SUGP1: variants seen among roughly 807,000 people sequenced by gnomAD.
SUGP1 encodes SURP and G-patch domain-containing protein 1.
SUGP1 carries 34 observed loss-of-function variants against 76.5 expected under a neutral mutation model. The observed-to-expected ratio is 0.44, with a 90% CI of 0.34 to 0.59. The LOEUF (loss-of-function observed/expected upper bound fraction) is 0.59. SUGP1 is among the 20% of genes least tolerant of loss of function. SUGP1 has a pLI of 0.01. For missense variants in SUGP1, 752 were observed against 851.7 expected (o/e 0.88, Z 1.46); for synonymous variants, 326 against 326.2 (o/e 1.00, Z 0.01).
chr19:19,313,471 G>A (rs928251303), intron 2 of SUGP1, among the ~76,000 whole-genome samples: 4 of 152,160 alleles, frequency 2.6e-5, no homozygotes, highest in African/African-American at 4.8e-5. Flanking sequence ...AATGCTTTGG[G>A]AGGCCAAGGT....
chr19:19,308,703 AAGCTGACCC>A (rs2061333664), intron 3 of SUGP1, among the ~76,000 whole-genome samples: 1 of 152,224 alleles, frequency 6.6e-6, no homozygotes, highest in African/African-American at 2.4e-5. Context: ...TGGTGGGTTC[AAGCTGACCC>A]AGCTTGGGGA....
intron 8 of SUGP1, among the ~76,000 whole-genome samples, chr19:19,293,179 G>A (rs1254974326): frequency 6.6e-6 from 1 of 151,758 alleles, no homozygotes; most frequent in Non-Finnish European, 1.5e-5. Flanking sequence ...CAAAGTGCTG[G>A]GATTACAGGC....
intron 3 of SUGP1, among the ~76,000 whole-genome samples, 199 bp downstream of exon 3, chr19:19,309,898 C>T (rs1049063871): frequency 4.9e-4 from 74 of 152,126 alleles, no homozygotes; most frequent in African/African-American, 1.8e-3. Context: ...GGCCACAGAG[C>T]GAGACTCCGT....
chr19:19,294,038 T>C, intron 8 of SUGP1, among the ~76,000 whole-genome samples: 1 of 151,366 alleles, frequency 6.6e-6, no homozygotes, highest in East Asian at 2.0e-4. Flanking sequence ...AATGCAAAGA[T>C]TAGCCAGGCA....
rs549121267 is a variant in SUGP1 at position 19,276,408 on chromosome 19, T to C, written c.*240A>G. The C allele has an allele frequency of 8.7e-5, 45 of 517,180 alleles. No homozygotes were observed. Among genetic ancestry groups the C allele is most frequent in the Non-Finnish European group, 1.5e-4 (43 of 287,014 alleles). 32.0% of individuals were successfully genotyped at this position (517,180 alleles called of 1,614,324 possible). A position where few individuals can be genotyped will look rare whatever the true frequency, so the allele number is the denominator to read the frequency against. On this transcript the variant is annotated 3_prime_UTR_variant, in exon 14 of 14. Transcript: ENST00000247001. Reference sequence around the variant, plus strand: ...TCCTCCCCTCCAGTGCAACCCAGGCTGAGCGGGGATGGAGACTCCACAGGC... The same window carrying C: ...TCCTCCCCTCCAGTGCAACCCAGGCCGAGCGGGGATGGAGACTCCACAGGC...
intron 11 of SUGP1, 127 bp from the exon 12 acceptor site, chr19:19,278,006 T>A: frequency 1.7e-6 from 2 of 1,157,974 alleles, no homozygotes; most frequent in Non-Finnish European, 2.4e-6. Flanking sequence ...TCTCACCAGA[T>A]CAGACTCCTT....
At position 19,302,382 on chromosome 19, in the gene SUGP1, G is replaced by A. The variant is rs2061279083; in HGVS notation, c.770C>T (p.Pro257Leu). Reference sequence around the variant, plus strand: ...GTTCTTGACCTCTTCGTCCTCTGGGGGTGAAACTTTAAGCAGGCTGTCAGT... The same window carrying A: ...GTTCTTGACCTCTTCGTCCTCTGGGAGTGAAACTTTAAGCAGGCTGTCAGT... ...KSQAASQKVS[P>L]PEDEEVKNLA... Residue 257 changes from proline (P) to leucine (L), a missense_variant, in exon 7 of 14, where the codon CCC becomes CTC. Transcript: ENST00000247001. 2 of 1,614,042 alleles carry A rather than the reference G, an allele frequency of 1.2e-6. No homozygotes were observed. Among genetic ancestry groups the A allele is most frequent in the East Asian group, 4.5e-5 (2 of 44,884 alleles).
At chr19:19,285,817 G>A (rs1366933807) in intron 8 of SUGP1, among the ~76,000 whole-genome samples, 10 of 151,966 alleles carry the variant, frequency 6.6e-5, no homozygotes, top group Non-Finnish European at 1.5e-4. Flanking sequence ...CGCCCACCTC[G>A]GCCTCCCAAA....
chr19:19,312,891 G>A (rs1208585694), intron 2 of SUGP1, among the ~76,000 whole-genome samples: 1 of 151,834 alleles, frequency 6.6e-6, no homozygotes, highest in Non-Finnish European at 1.5e-5. Flanking sequence ...TCAGGAGGCT[G>A]AGGCAGGAGA....
intron 3 of SUGP1, among the ~76,000 whole-genome samples, chr19:19,307,933 G>C (rs2061328638): frequency 1.3e-5 from 2 of 152,174 alleles, no homozygotes; most frequent in Admixed American, 6.5e-5. Context: ...CCAAAGTGCT[G>C]GAATTACAGG....
intron 2 of SUGP1, among the ~76,000 whole-genome samples, chr19:19,311,245 T>C (rs982437711): frequency 6.6e-6 from 1 of 152,002 alleles, no homozygotes; most frequent in Non-Finnish European, 1.5e-5. Context: ...GTATATCAGC[T>C]GTGCTCAACT....
At chr19:19,317,005 G>C (rs1364462178) in intron 1 of SUGP1, among the ~76,000 whole-genome samples, 1 of 152,094 alleles carries the variant, frequency 6.6e-6, no homozygotes, top group Non-Finnish European at 1.5e-5. Flanking sequence ...GGGTATGGTG[G>C]CATGTGCCTG....
intron 1 of SUGP1, among the ~76,000 whole-genome samples, chr19:19,317,030 AG>A (rs1421507843): frequency 6.6e-6 from 1 of 151,774 alleles, no homozygotes; most frequent in Non-Finnish European, 1.5e-5. Context: ...CCCAGCTACT[AG>A]GGAGGCCGAG....
chr19:19,310,535 C>T (rs1195814017), intron 2 of SUGP1, among the ~76,000 whole-genome samples: 2 of 152,182 alleles, frequency 1.3e-5, no homozygotes. Context: ...ACCTGTCCTC[C>T]CTTGCTAGTT....
intron 13 of SUGP1, 24 bp from the exon 14 acceptor site, chr19:19,276,698 A>G (rs1036631210): frequency 6.2e-7 from 1 of 1,614,084 alleles, no homozygotes; most frequent in Non-Finnish European, 8.5e-7. Context: ...AACAGATAAC[A>G]GGAGGAGGGG....
chr19:19,302,255 C>G lies in SUGP1; in HGVS notation c.887+10G>C, dbSNP rs779928463. ...GGTGACGGTCACCTCCCTGGCAGGG[C>G]CCCCCTTACCTGAATGCCTGGTTCT... On this transcript the variant is annotated intron_variant, in intron 7 of 13. Transcript: ENST00000247001. 1 of 1,613,754 alleles carries G rather than the reference C, an allele frequency of 6.2e-7. No homozygotes were observed. Among genetic ancestry groups the G allele is most frequent in the Admixed American group, 1.7e-5 (1 of 59,986 alleles).
chr19:19,313,151 C>T (rs1411628601), intron 2 of SUGP1, among the ~76,000 whole-genome samples: 2 of 151,806 alleles, frequency 1.3e-5, no homozygotes, highest in African/African-American at 2.4e-5. Flanking sequence ...CCCAGCACTT[C>T]GGTAGGCCAA....
intron 5 of SUGP1, 130 bp downstream of exon 5, chr19:19,303,594 A>G: frequency 7.3e-7 from 1 of 1,375,936 alleles, no homozygotes; most frequent in Admixed American, 1.7e-5. Context: ...GCCACTTGTC[A>G]CTTCTGGTGA....
At chr19:19,303,967 G>A (rs2061294308) in intron 4 of SUGP1, 120 bp from the exon 5 acceptor site, 2 of 1,597,550 alleles carry the variant, frequency 1.3e-6, no homozygotes, top group African/African-American at 1.3e-5. Context: ...GATGCAGGAG[G>A]CTGTCGGGCG....
Sources: allele counts gnomAD v4.1 joint callset (sites outside exome capture counted in the v4.1 genomes callset), GRCh38; gene constraint gnomAD v4.1.1; transcripts MANE v1.5; gene names NCBI Gene and HGNC (gene_info 2026-07-23, HGNC 2026-07-21).